Variants in DNER observed in about 807,000 individuals in gnomAD.
DNER encodes the protein delta and Notch-like epidermal growth factor-related receptor.
A neutral mutation model predicts 78.2 loss-of-function variants in DNER; 33 were observed. The ratio of observed to expected loss-of-function variants is 0.42; its 90% CI spans 0.32 to 0.56. The LOEUF (loss-of-function observed/expected upper bound fraction) is 0.56, where lower values mean the gene tolerates loss of function less well. Ranked by LOEUF, DNER falls within the 20% of genes least tolerant of loss-of-function variation. The pLI is 0.11. For synonymous variants in DNER, 417 were observed against 384.8 expected (o/e 1.08, Z -0.98); for missense variants, 918 against 975.3 (o/e 0.94, Z 0.78).
At chr2:229,639,971 G>C (rs894176859) in intron 1 of DNER, among the ~76,000 whole-genome samples, 1 of 152,158 alleles carries the variant, frequency 6.6e-6, no homozygotes, top group African/African-American at 2.4e-5. Context: ...TTAATTACAA[G>C]CATATATTTA....
chr2:229,693,151 G>C (rs923981158), intron 1 of DNER, among the ~76,000 whole-genome samples: 2 of 151,884 alleles, frequency 1.3e-5, no homozygotes, highest in Non-Finnish European at 2.9e-5. Flanking sequence ...CTGTTCTCAT[G>C]ATAGTGAGTG....
intron 10 of DNER, among the ~76,000 whole-genome samples, chr2:229,400,318 G>T (rs1176565015): frequency 6.6e-6 from 1 of 151,958 alleles, no homozygotes; most frequent in Non-Finnish European, 1.5e-5. Flanking sequence ...GTATACACAT[G>T]CACTTCCTCA....
intron 11 of DNER, among the ~76,000 whole-genome samples, chr2:229,369,281 A>G (rs1692425080): frequency 6.6e-6 from 1 of 151,592 alleles, no homozygotes; most frequent in African/African-American, 2.4e-5. Context: ...AAAAGTTAAA[A>G]AAAAGTTTTA....
chr2:229,691,171 CAGA>C (rs1489541638), intron 1 of DNER, among the ~76,000 whole-genome samples: 23 of 152,098 alleles, frequency 1.5e-4, no homozygotes, highest in Admixed American at 4.6e-4. Context: ...CTGAATTTTC[CAGA>C]AGAAGTTGCT....
intron 5 of DNER, among the ~76,000 whole-genome samples, chr2:229,539,213 C>T (rs577248231): frequency 6.9e-4 from 105 of 152,208 alleles, no homozygotes; most frequent in African/African-American, 2.5e-3. Flanking sequence ...CTCATGAGGA[C>T]CTTTGTGTTG....
At chr2:229,460,875 AT>A (rs35681525) in intron 7 of DNER, among the ~76,000 whole-genome samples, 58,167 of 151,924 alleles carry the variant, frequency 0.38, 13,038 homozygotes, top group African/African-American at 0.62. Context: ...GAAACAATGT[AT>A]ATTCAGAAGA....
At chr2:229,689,733 C>T (rs980606157) in intron 1 of DNER, among the ~76,000 whole-genome samples, 1 of 152,150 alleles carries the variant, frequency 6.6e-6, no homozygotes, top group Non-Finnish European at 1.5e-5. Flanking sequence ...AGCACTCCCA[C>T]CATTATGATA....
intron 7 of DNER, among the ~76,000 whole-genome samples, chr2:229,466,505 C>T (rs573425173): frequency 6.6e-6 from 1 of 152,122 alleles, no homozygotes; most frequent in South Asian, 2.1e-4. Flanking sequence ...GGTCCCTCTT[C>T]AGACTCTACC....
At chr2:229,510,430 G>A (rs1455160261) in intron 6 of DNER, among the ~76,000 whole-genome samples, 1 of 152,216 alleles carries the variant, frequency 6.6e-6, no homozygotes, top group African/African-American at 2.4e-5. Flanking sequence ...AGAATTGTTG[G>A]AGGAACAGCA....
chr2:229,394,361 G>T (rs1008843586), intron 10 of DNER, among the ~76,000 whole-genome samples: 2 of 151,750 alleles, frequency 1.3e-5, no homozygotes, highest in African/African-American at 4.8e-5. Flanking sequence ...TTTCCCCACT[G>T]CCCAAGACAC....
intron 7 of DNER, among the ~76,000 whole-genome samples, chr2:229,461,615 A>C (rs72986925): frequency 1.3e-5 from 2 of 152,106 alleles, no homozygotes; most frequent in African/African-American, 4.8e-5. Context: ...TAAAAATAAT[A>C]GTAGTATTTA....
At chr2:229,499,786 T>A (rs4449119) in intron 6 of DNER, among the ~76,000 whole-genome samples, 4 of 151,928 alleles carry the variant, frequency 2.6e-5, no homozygotes, top group Non-Finnish European at 4.4e-5. Flanking sequence ...AAATACAACC[T>A]GCAGAATAAG....
intron 4 of DNER, among the ~76,000 whole-genome samples, chr2:229,572,764 A>G (rs1253165385): frequency 1.3e-5 from 2 of 152,222 alleles, no homozygotes; most frequent in Non-Finnish European, 2.9e-5. Context: ...CACGACAGGA[A>G]TGCATTTTTT....
chr2:229,363,035 C>T (rs750945733), intron 12 of DNER, among the ~76,000 whole-genome samples: 3 of 152,154 alleles, frequency 2.0e-5, no homozygotes, highest in Admixed American at 2.0e-4. Context: ...ACTTCTAGCT[C>T]GTAGAGCAGT....
At chr2:229,695,355 G>A (rs1006920369) in intron 1 of DNER, among the ~76,000 whole-genome samples, 2 of 151,776 alleles carry the variant, frequency 1.3e-5, no homozygotes, top group Admixed American at 1.3e-4. Flanking sequence ...AACCTAGCAT[G>A]TAACCCTTCA....
rs68030461 is a variant in DNER at position 229,555,786 on chromosome 2, T to TA, written c.848-8695dup. 1.5e-3 allele frequency among the ~76,000 whole-genome samples: 221 copies of TA among 146,538 alleles called. 2 individuals are homozygous for TA. The highest frequency in any genetic ancestry group is 0.011 in the Middle Eastern group (3 of 284). ...TTTGGATGTACAAATTCCAGTTTAC[T>TA]AAAAAAAAAAAAATTGCTTACCAAC... is the stretch of plus-strand genomic sequence containing the variant. On this transcript the variant is annotated intron_variant, in intron 4 of 12. Transcript: ENST00000341772.
chr2:229,702,369 T>C (rs1699760484), intron 1 of DNER, among the ~76,000 whole-genome samples: 2 of 151,970 alleles, frequency 1.3e-5, no homozygotes, highest in South Asian at 4.2e-4. Flanking sequence ...ACCTTGCCTC[T>C]ACAAAAATAT....
chr2:229,362,969 G>A (rs555297846), intron 12 of DNER, among the ~76,000 whole-genome samples: 11 of 152,318 alleles, frequency 7.2e-5, no homozygotes, highest in Non-Finnish European at 1.0e-4. Flanking sequence ...AAGGTTTTGA[G>A]CTATTGGGGA....
rs190189637 is a variant in DNER at position 229,486,588 on chromosome 2, A to C, written c.1148-9335T>G. On this transcript the variant is annotated intron_variant, in intron 6 of 12. Coordinates refer to ENST00000341772, the MANE Select transcript of DNER (RefSeq NM_139072.4). ...CTTCATTTCCCTCATGGAGGAATTA[A>C]AGATTATGATTATAATGACTTCAAG... is the stretch of plus-strand genomic sequence containing the variant. Among the ~76,000 whole-genome samples the C allele has an allele frequency of 3.4e-3, 522 of 152,326 alleles. 2 individuals carry two copies. The highest frequency in any genetic ancestry group is 5.3e-3 in the Non-Finnish European group (363 of 68,034).
Sources: allele counts gnomAD v4.1 joint callset (sites outside exome capture counted in the v4.1 genomes callset), GRCh38; gene constraint gnomAD v4.1.1; transcripts MANE v1.5; gene names NCBI Gene and HGNC (gene_info 2026-07-23, HGNC 2026-07-21).